Variants in CLOCK observed in about 807,000 individuals in gnomAD.
CLOCK encodes clock circadian regulator.
In CLOCK, 43 loss-of-function variants were observed where a neutral mutation model predicts 118.4. The observed-to-expected ratio is 0.36, with a 90% CI of 0.28 to 0.47. The LOEUF is 0.47. Among genes scored for constraint, CLOCK ranks in the 20% least tolerant of loss-of-function variants. The probability of loss-of-function intolerance (pLI) is 1.00; values close to 1 mark genes in which losing one functional copy is unlikely to be tolerated. For missense variants in CLOCK, 846 were observed against 999.9 expected (o/e 0.85, Z 2.08); for synonymous variants, 326 against 339.2 (o/e 0.96, Z 0.43).
Position 55,434,018 on chromosome 4 carries a change from T to C in CLOCK, c.*1397A>G, listed in dbSNP as rs1722692861. The C allele has an allele frequency of 1.3e-5, 2 of 152,608 alleles. No homozygotes were observed. Among genetic ancestry groups the C allele is most frequent in the African/African-American group, 4.8e-5 (2 of 41,444 alleles). 9.5% of individuals were successfully genotyped at this position (152,608 alleles called of 1,614,324 possible). A position where few individuals can be genotyped will look rare whatever the true frequency, so the allele number is the denominator to read the frequency against. The stretch of plus-strand genomic sequence containing the variant: ...TAACTATGATAGTGTTAGGTTATCA[T>C]CTTTTATTTCTAAATTATTTGTACC... On this transcript the variant is annotated 3_prime_UTR_variant, in exon 23 of 23. Transcript: ENST00000513440.
rs36064611 is a variant in CLOCK at position 55,443,475 on chromosome 4, C to CAA, written c.1902+210_1902+211dup. On this transcript the variant is annotated intron_variant, in intron 20 of 22. Transcript: ENST00000513440. Reference sequence around the variant, plus strand: ...GGGCAACAGGAGCAAAACTCCGTCTCAAAAAAAAAAAAAGAAAAAAAAAAG... The same window carrying CAA: ...GGGCAACAGGAGCAAAACTCCGTCTCAAAAAAAAAAAAAAAGAAAAAAAAAAG... Among the ~76,000 whole-genome samples the CAA allele has an allele frequency of 4.0e-3, 484 of 119,956 alleles. 2 individuals carry two copies. Among genetic ancestry groups the CAA allele is most frequent in the African/African-American group, 0.016 (445 of 27,884 alleles). The allele number at this position is 119,956 out of a possible 152,430, so 78.7% of individuals were successfully genotyped here. A position where few individuals can be genotyped will look rare whatever the true frequency, so the allele number is the denominator to read the frequency against.
At position 55,475,212 on chromosome 4, in the gene CLOCK, A is replaced by G. The variant is rs1339874695; in HGVS notation, c.348+751T>C. Among the ~76,000 whole-genome samples the G allele has an allele frequency of 2.0e-5, 3 of 152,242 alleles. No homozygotes were observed. In the East Asian group the frequency reaches 5.8e-4, roughly 29 times the overall value. ...AGGGGTTCAAGATGTCAGTGAAGGAAGTAACTGCAGATGTGGTAGAAACGG... is the reference window on the plus strand; with the variant it reads ...AGGGGTTCAAGATGTCAGTGAAGGAGGTAACTGCAGATGTGGTAGAAACGG... On this transcript the variant is annotated intron_variant, in intron 7 of 22. Coordinates refer to ENST00000513440, the MANE Select transcript of CLOCK (RefSeq NM_004898.4).
At chr4:55,495,883 C>CT (rs34674013) in intron 2 of CLOCK, among the ~76,000 whole-genome samples, 3 of 151,682 alleles carry the variant, frequency 2.0e-5, no homozygotes, top group African/African-American at 4.8e-5. Flanking sequence ...AAAACACAAA[C>CT]TTTTTTTAAA....
chr4:55,467,852 C>T (rs905331428), intron 8 of CLOCK, among the ~76,000 whole-genome samples: 4 of 152,130 alleles, frequency 2.6e-5, no homozygotes, highest in African/African-American at 9.7e-5. Context: ...ACTATTTGAG[C>T]TTACTAGAAA....
At position 55,543,264 on chromosome 4, in the gene CLOCK, T is replaced by C. The variant is rs187390976; in HGVS notation, c.-290+3518A>G. Among the ~76,000 whole-genome samples, 211 of 152,284 alleles carry C rather than the reference T, an allele frequency of 1.4e-3. 2 individuals carry two copies. The highest frequency in any genetic ancestry group is 1.6e-3 in the Non-Finnish European group (106 of 68,026). Reference sequence around the variant, plus strand: ...AACTCTGCAAATGCCTCCATAACAATTGGCCCCTCACTAGTGAAAAGATGA... The same window carrying C: ...AACTCTGCAAATGCCTCCATAACAACTGGCCCCTCACTAGTGAAAAGATGA... On this transcript the variant is annotated intron_variant, in intron 1 of 22. Transcript: ENST00000513440.
intron 21 of CLOCK, among the ~76,000 whole-genome samples, chr4:55,441,788 C>A (rs1179834542): frequency 6.6e-6 from 1 of 152,092 alleles, no homozygotes. Flanking sequence ...CTCAGGTGAT[C>A]AGTGCACTAA....
At chr4:55,509,671 T>C (rs549268897) in intron 2 of CLOCK, among the ~76,000 whole-genome samples, 1 of 152,376 alleles carries the variant, frequency 6.6e-6, no homozygotes, top group East Asian at 1.9e-4. Flanking sequence ...TTTTGAGCAC[T>C]AGTTTTGAGA....
chr4:55,453,272 T>C (rs1246171253), intron 14 of CLOCK, 143 bp from the exon 15 acceptor site: 7 of 667,372 alleles, frequency 1.0e-5, no homozygotes, highest in South Asian at 2.0e-5. Flanking sequence ...AAAATATACC[T>C]ATAATGTCTT....
At chr4:55,448,592 G>GCA (rs72445552) in intron 18 of CLOCK, among the ~76,000 whole-genome samples, 187 bp downstream of exon 18, 16 of 130,916 alleles carry the variant, frequency 1.2e-4, no homozygotes, top group South Asian at 2.7e-4. Context: ...GTGCGCGCGC[G>GCA]CACGCGCGCG....
At chr4:55,514,885 C>T (rs796192143) in intron 1 of CLOCK, among the ~76,000 whole-genome samples, 1 of 152,156 alleles carries the variant, frequency 6.6e-6, no homozygotes, top group Non-Finnish European at 1.5e-5. Context: ...TAGAGTAATA[C>T]TGGCCTCACA....
intron 2 of CLOCK, among the ~76,000 whole-genome samples, chr4:55,508,744 C>CTAATT (rs1268087056): frequency 6.6e-6 from 1 of 152,066 alleles, no homozygotes; most frequent in Admixed American, 6.5e-5. Flanking sequence ...AGGCGCCTGC[C>CTAATT]ACCACGCCTG....
chr4:55,491,146 T>C (rs1362006772), intron 2 of CLOCK, among the ~76,000 whole-genome samples: 1 of 147,660 alleles, frequency 6.8e-6, no homozygotes, highest in East Asian at 2.0e-4. Context: ...TACCAAAATG[T>C]ATGGGATGCA....
intron 1 of CLOCK, among the ~76,000 whole-genome samples, chr4:55,533,170 C>A (rs1377203475): frequency 6.6e-6 from 1 of 152,112 alleles, no homozygotes; most frequent in Non-Finnish European, 1.5e-5. Context: ...AGTAGCCAAA[C>A]CAGTCTTGAA....
Position 55,449,456 on chromosome 4 carries a change from G to A in CLOCK, c.1389C>T (p.Pro463=), listed in dbSNP as rs770720190. Residue 463 remains proline, a synonymous_variant, in exon 17 of 23, where the codon CCC becomes CCT. Coordinates refer to ENST00000513440, the MANE Select transcript of CLOCK (RefSeq NM_004898.4). ...TCTCATGAGCTGGTAAATGCTGCCT[G>A]GGTGGAGTGCTCGTATCCGTCGGGA... is the stretch of plus-strand genomic sequence containing the variant. ...TKIPTDTSTP[P]RQHLPAHEKM... 4 of 1,614,000 alleles carry A rather than the reference G, an allele frequency of 2.5e-6. No individual in the cohort carries two copies. Among genetic ancestry groups the A allele is most frequent in the South Asian group, 2.2e-5 (2 of 91,084 alleles).
At chr4:55,542,898 C>G (rs142791463) in intron 1 of CLOCK, among the ~76,000 whole-genome samples, 142 of 152,108 alleles carry the variant, frequency 9.3e-4, no homozygotes, top group African/African-American at 3.3e-3. Flanking sequence ...CAAAGAAAAC[C>G]CTAAAACTTG....
intron 1 of CLOCK, among the ~76,000 whole-genome samples, chr4:55,512,031 A>C (rs538826785): frequency 4.8e-4 from 73 of 151,994 alleles, no homozygotes; most frequent in African/African-American, 1.7e-3. Context: ...GGTTGCTTCC[A>C]AGTTTTGGCA....
At chr4:55,507,945 G>C (rs1457402135) in intron 2 of CLOCK, among the ~76,000 whole-genome samples, 1 of 152,072 alleles carries the variant, frequency 6.6e-6, no homozygotes, top group Non-Finnish European at 1.5e-5. Context: ...AGACAGTAAA[G>C]GTATTAGTTT....
At chr4:55,468,744 C>T (rs1365271042) in intron 8 of CLOCK, among the ~76,000 whole-genome samples, 7 of 152,086 alleles carry the variant, frequency 4.6e-5, no homozygotes, top group East Asian at 1.9e-4. Context: ...AAAATGGAAA[C>T]GCTAAAAAGT....
At chr4:55,482,164 G>A (rs546391297) in intron 4 of CLOCK, among the ~76,000 whole-genome samples, 14 of 152,172 alleles carry the variant, frequency 9.2e-5, no homozygotes, top group Admixed American at 5.9e-4. Flanking sequence ...ACTACGTGTC[G>A]CTGAGGTTTG....
Sources: allele counts gnomAD v4.1 joint callset (sites outside exome capture counted in the v4.1 genomes callset), GRCh38; gene constraint gnomAD v4.1.1; transcripts MANE v1.5; gene names NCBI Gene and HGNC (gene_info 2026-07-23, HGNC 2026-07-21).